RORB: variants seen among roughly 807,000 people sequenced by gnomAD.
RORB encodes the protein nuclear receptor ROR-beta.
Under a neutral mutation model 59.1 loss-of-function variants are expected in RORB, and 6 were observed. That is an observed-to-expected ratio of 0.10 (90% confidence interval 0.06 to 0.20). The LOEUF (loss-of-function observed/expected upper bound fraction) is 0.20, where lower values mean the gene tolerates loss of function less well. RORB is among the 10% of genes least tolerant of loss of function. The pLI is 1.00. For synonymous variants in RORB, 215 were observed against 204.5 expected (o/e 1.05, Z -0.44); for missense variants, 320 against 560.5 (o/e 0.57, Z 4.33).
At chr9:74,526,187 G>A (rs1826153630) in intron 1 of RORB, among the ~76,000 whole-genome samples, 1 of 151,600 alleles carries the variant, frequency 6.6e-6, no homozygotes, top group East Asian at 1.9e-4. Flanking sequence ...TGTAACAGAG[G>A]GACCCAATAA....
chr9:74,584,091 T>C (rs1218870636), intron 1 of RORB, among the ~76,000 whole-genome samples: 1 of 152,246 alleles, frequency 6.6e-6, no homozygotes, highest in South Asian at 2.1e-4. Flanking sequence ...CTTGAGACTT[T>C]GGCTGGAGAA....
chr9:74,581,386 G>T (rs539452213), intron 1 of RORB, among the ~76,000 whole-genome samples: 6 of 152,262 alleles, frequency 3.9e-5, no homozygotes, highest in African/African-American at 1.2e-4. Flanking sequence ...GTTTCAGGGG[G>T]AAAATGGGGA....
intron 7 of RORB, 105 bp downstream of exon 7, chr9:74,665,700 G>A: frequency 2.7e-6 from 2 of 739,366 alleles, no homozygotes; most frequent in Non-Finnish European, 4.8e-6. Context: ...ATGTGAACCA[G>A]TATCTCATTA....
rs1284547478 is a variant in RORB, at chr9:74,517,661, G to A, written c.7+19678G>A. Among the ~76,000 whole-genome samples the A allele has an allele frequency of 5.3e-5, 8 of 151,924 alleles. No homozygotes were observed. In the East Asian group the frequency reaches 5.8e-4, roughly 11 times the overall value. ...CCCCATACTCTATTGGGCATTACCC[G>A]AAAACCATTGTTTTACCTTTTAGTG... On this transcript the variant is annotated intron_variant, in intron 1 of 9. Transcript: ENST00000376896.
At position 74,554,062 on chromosome 9, in the gene RORB, G is replaced by A. The variant is rs117402149; in HGVS notation, c.7+56079G>A. 1.8e-4 allele frequency among the ~76,000 whole-genome samples: 28 copies of A among 152,306 alleles called. 1 individual carries two copies. In the East Asian group the frequency reaches 5.2e-3, roughly 28 times the overall value. On this transcript the variant is annotated intron_variant, in intron 1 of 9. Transcript: ENST00000376896. ...GCCCCACCTGCTGAATCAGACCTTA[G>A]AGATGGAGTCCAACAATTGGTGCTT...
chr9:74,597,972 T>C (rs986251534), intron 1 of RORB, among the ~76,000 whole-genome samples: 4 of 151,622 alleles, frequency 2.6e-5, no homozygotes, highest in Non-Finnish European at 5.9e-5. Flanking sequence ...AAAAAAAAAA[T>C]TATATTGGTT....
chr9:74,589,479 CA>C (rs2118281501), intron 1 of RORB, among the ~76,000 whole-genome samples: 1 of 152,262 alleles, frequency 6.6e-6, no homozygotes, highest in South Asian at 2.1e-4. Flanking sequence ...ACCTATGAGA[CA>C]GTGGGCAAGT....
At chr9:74,684,236 A>G (rs893820529) in intron 9 of RORB, among the ~76,000 whole-genome samples, 1 of 152,206 alleles carries the variant, frequency 6.6e-6, no homozygotes, top group African/African-American at 2.4e-5. Flanking sequence ...CTGATTTTGA[A>G]AAACCACAAG....
At position 74,541,279 on chromosome 9, in the gene RORB, C is replaced by CAAAAAAAAAAAAAAAAAAAA. The variant is rs374556016; in HGVS notation, c.7+43304_7+43323dup. ...TGGGCAACAGAAAGAGACTCCATCT[C>CAAAAAAAAAAAAAAAAAAAA]AAAAAAAAAAAAAAAAAAAAAAAAA... On this transcript the variant is annotated intron_variant, in intron 1 of 9. Coordinates refer to ENST00000376896, the MANE Select transcript of RORB (RefSeq NM_006914.4). 4.8e-4 allele frequency among the ~76,000 whole-genome samples: 21 copies of CAAAAAAAAAAAAAAAAAAAA among 43,570 alleles called. 2 individuals are homozygous for CAAAAAAAAAAAAAAAAAAAA. Among genetic ancestry groups the CAAAAAAAAAAAAAAAAAAAA allele is most frequent in the African/African-American group, 2.7e-3 (17 of 6,254 alleles). The allele number at this position is 43,570 out of a possible 152,430, so 28.6% of individuals were successfully genotyped here. A position where few individuals can be genotyped will look rare whatever the true frequency, so the allele number is the denominator to read the frequency against.
chr9:74,678,612 A>C (rs2118565129), intron 9 of RORB, among the ~76,000 whole-genome samples: 1 of 152,358 alleles, frequency 6.6e-6, no homozygotes, highest in African/African-American at 2.4e-5. Context: ...TAGGAAAAAC[A>C]GTCATGTTGA....
chr9:74,519,998 C>T (rs1231381640), intron 1 of RORB, among the ~76,000 whole-genome samples: 5 of 151,822 alleles, frequency 3.3e-5, no homozygotes. Context: ...ATATATTATC[C>T]TTGAAAACTG....
intron 1 of RORB, among the ~76,000 whole-genome samples, chr9:74,517,805 C>T (rs932416507): frequency 6.6e-6 from 1 of 151,978 alleles, no homozygotes; most frequent in African/African-American, 2.4e-5. Flanking sequence ...TTCACATTCC[C>T]TGGCATTAGT....
intron 1 of RORB, among the ~76,000 whole-genome samples, chr9:74,546,158 C>T (rs1338888685): frequency 6.6e-6 from 1 of 152,080 alleles, no homozygotes. Flanking sequence ...TTTCAAACTG[C>T]CATGATGGGA....
chr9:74,651,304 G>GCAGGTGA (rs1398412215), intron 4 of RORB, among the ~76,000 whole-genome samples: 12 of 152,176 alleles, frequency 7.9e-5, no homozygotes, highest in Non-Finnish European at 1.2e-4. Flanking sequence ...GGAGCCCAAG[G>GCAGGTGA]CAGGTGGATC....
intron 1 of RORB, among the ~76,000 whole-genome samples, chr9:74,584,760 G>C (rs183810971): frequency 6.6e-6 from 1 of 152,156 alleles, no homozygotes; most frequent in Admixed American, 6.5e-5. Flanking sequence ...GGAGATAGTG[G>C]CTACTGTCAT....
intron 1 of RORB, among the ~76,000 whole-genome samples, chr9:74,512,970 A>C (rs1375659416): frequency 6.6e-6 from 1 of 152,188 alleles, no homozygotes; most frequent in Non-Finnish European, 1.5e-5. Context: ...GATTTTAATG[A>C]ATGAGCAAAA....
intron 1 of RORB, among the ~76,000 whole-genome samples, chr9:74,527,396 C>G (rs1311922824): frequency 1.3e-5 from 2 of 151,964 alleles, no homozygotes; most frequent in African/African-American, 4.8e-5. Context: ...ACCCCCTACC[C>G]TAATGAAACC....
At chr9:74,662,924 C>T (rs1485828818) in intron 6 of RORB, among the ~76,000 whole-genome samples, 3 of 151,962 alleles carry the variant, frequency 2.0e-5, no homozygotes, top group Admixed American at 2.0e-4. Context: ...AAAACGTACT[C>T]CTTGCCTTCT....
chr9:74,635,620 G>A (rs1053812570), intron 3 of RORB, among the ~76,000 whole-genome samples: 2 of 152,062 alleles, frequency 1.3e-5, no homozygotes, highest in African/African-American at 4.8e-5. Flanking sequence ...TAAAACATCA[G>A]GCTCTGCTTA....
Sources: gnomAD v4.1 joint callset for allele counts (sites outside exome capture counted in the v4.1 genomes callset) on GRCh38, gnomAD v4.1.1 for gene constraint, MANE v1.5 for transcripts, NCBI Gene and HGNC (gene_info 2026-07-23, HGNC 2026-07-21) for gene names.